The following MEIS2 variants were observed in gnomAD, a reference collection of about 807,000 sequenced individuals.
MEIS2 encodes Meis homeobox 2.
MEIS2 carries 9 observed loss-of-function variants against 58.6 expected under a neutral mutation model. The observed-to-expected ratio is 0.15, with a 90% confidence interval of 0.09 to 0.27. The LOEUF (loss-of-function observed/expected upper bound fraction) is 0.27, where lower values mean the gene tolerates loss of function less well. Ranked by LOEUF, MEIS2 falls within the 10% of genes least tolerant of loss-of-function variation. MEIS2 has a pLI of 1.00. For missense variants in MEIS2, 427 were observed against 635.0 expected, an observed-to-expected ratio of 0.67 and a Z score of 3.52; for synonymous variants, 221 against 228.4, an observed-to-expected ratio of 0.97 and a Z score of 0.29.
At position 36,907,920 on chromosome 15, in the gene MEIS2, G is replaced by A. The variant is rs2056820325; in HGVS notation, c.978-11234C>T. On this transcript the variant is annotated intron_variant, in intron 9 of 11. Coordinates refer to ENST00000561208, the MANE Select transcript of MEIS2 (RefSeq NM_170675.5). ...GTTTATACTGGCATCTAGTAAAGGT[G>A]CCAATGGGGAAAAAAAAATCAAAGA... Among the ~76,000 whole-genome samples the A allele has an allele frequency of 7.0e-5, 3 of 43,014 alleles. No individual in the cohort carries two copies. In the South Asian group the frequency reaches 1.7e-3, roughly 24 times the overall value. 28.2% of individuals were successfully genotyped at this position (43,014 alleles called of 152,430 possible).
chr15:37,062,717 A>G (rs1424952274), intron 7 of MEIS2, among the ~76,000 whole-genome samples: 1 of 152,212 alleles, frequency 6.6e-6, no homozygotes, highest in African/African-American at 2.4e-5. Context: ...TTTACATATA[A>G]GGACCCCTGA....
At chr15:37,017,537 G>C (rs961625635) in intron 8 of MEIS2, among the ~76,000 whole-genome samples, 1 of 152,172 alleles carries the variant, frequency 6.6e-6, no homozygotes, top group Non-Finnish European at 1.5e-5. Flanking sequence ...CTTGAGCCCA[G>C]AAGTGCAGCG....
At chr15:37,058,286 T>C (rs1263078678) in intron 7 of MEIS2, among the ~76,000 whole-genome samples, 3 of 152,168 alleles carry the variant, frequency 2.0e-5, no homozygotes. Flanking sequence ...CAACACACAT[T>C]TATAGGATAA....
At chr15:37,037,706 A>C (rs1452326720) in intron 7 of MEIS2, among the ~76,000 whole-genome samples, 1 of 152,266 alleles carries the variant, frequency 6.6e-6, no homozygotes, top group Non-Finnish European at 1.5e-5. Context: ...AAATGCCTTG[A>C]AAGCCTGCCT....
chr15:36,995,736 G>GAAAA (rs2060461917), intron 8 of MEIS2, among the ~76,000 whole-genome samples: 1 of 30,518 alleles, frequency 3.3e-5, no homozygotes, highest in South Asian at 2.6e-3. Flanking sequence ...AAAAAACAAA[G>GAAAA]AAAAGAAAAG....
chr15:37,001,223 C>T (rs1407221495), intron 8 of MEIS2, among the ~76,000 whole-genome samples: 1 of 152,046 alleles, frequency 6.6e-6, no homozygotes, highest in Non-Finnish European at 1.5e-5. Context: ...TCTTCTTGGG[C>T]CTCTCTAGCT....
At chr15:37,033,708 C>T (rs1162422139) in intron 8 of MEIS2, among the ~76,000 whole-genome samples, 1 of 152,176 alleles carries the variant, frequency 6.6e-6, no homozygotes, top group Non-Finnish European at 1.5e-5. Flanking sequence ...AGTGGGGCAT[C>T]TCTAGTTCCA....
chr15:37,042,651 G>A (rs534887869), intron 7 of MEIS2, among the ~76,000 whole-genome samples: 4 of 152,282 alleles, frequency 2.6e-5, no homozygotes, highest in Non-Finnish European at 5.9e-5. Flanking sequence ...TATAGGAAAA[G>A]GTCTAAGCAC....
chr15:36,927,085 C>A (rs2057778163), intron 9 of MEIS2, among the ~76,000 whole-genome samples: 1 of 152,174 alleles, frequency 6.6e-6, no homozygotes, highest in East Asian at 1.9e-4. Flanking sequence ...ATGTGCTTGG[C>A]ATTCTTTACA....
In MEIS2 at chr15:36,954,416, T is replaced by TA. The variant is rs557844387; in HGVS notation, c.901-4017dup. Among the ~76,000 whole-genome samples, 536 of 148,800 alleles carry TA rather than the reference T, an allele frequency of 3.6e-3. 2 individuals are homozygous for TA. Among genetic ancestry groups the TA allele is most frequent in the African/African-American group, 0.012 (503 of 40,956 alleles). On this transcript the variant is annotated intron_variant, in intron 8 of 11. Coordinates refer to ENST00000561208, the MANE Select transcript of MEIS2 (RefSeq NM_170675.5). ...ATGTGTGTACTGCTTTAAATAATTT[T>TA]AAAAATATAATATCAATTTTAAAAT...
intron 7 of MEIS2, among the ~76,000 whole-genome samples, chr15:37,056,723 C>A (rs765870493): frequency 1.3e-5 from 2 of 152,202 alleles, no homozygotes; most frequent in East Asian, 3.9e-4. Context: ...TCCTTGAAAT[C>A]CACCATTATG....
chr15:37,047,309 C>T (rs2062716648), intron 7 of MEIS2, among the ~76,000 whole-genome samples: 1 of 152,102 alleles, frequency 6.6e-6, no homozygotes, highest in African/African-American at 2.4e-5. Flanking sequence ...TTTTAATGTT[C>T]TGTTCACCTC....
At chr15:36,936,533 T>C (rs2058181671) in intron 9 of MEIS2, among the ~76,000 whole-genome samples, 1 of 152,192 alleles carries the variant, frequency 6.6e-6, no homozygotes, top group African/African-American at 2.4e-5. Flanking sequence ...CACAGGCTTG[T>C]CCAAAAGTGA....
intron 8 of MEIS2, among the ~76,000 whole-genome samples, chr15:36,976,125 C>T (rs1215271226): frequency 6.6e-6 from 1 of 152,036 alleles, no homozygotes; most frequent in Non-Finnish European, 1.5e-5. Context: ...CGCTCTGTCA[C>T]CCAGGCTGGA....
At chr15:36,991,978 G>A (rs1191039889) in intron 8 of MEIS2, among the ~76,000 whole-genome samples, 1 of 149,848 alleles carries the variant, frequency 6.7e-6, no homozygotes, top group Non-Finnish European at 1.5e-5. Flanking sequence ...TAGTAGAGAC[G>A]GGGTTTCACC....
chr15:36,983,784 T>G (rs1335931026), intron 8 of MEIS2, among the ~76,000 whole-genome samples: 1 of 152,168 alleles, frequency 6.6e-6, no homozygotes, highest in East Asian at 1.9e-4. Flanking sequence ...GAACACAGTA[T>G]ATCTTCCCAT....
intron 8 of MEIS2, among the ~76,000 whole-genome samples, chr15:36,960,632 A>G (rs1055318432): frequency 6.6e-6 from 1 of 152,166 alleles, no homozygotes; most frequent in African/African-American, 2.4e-5. Context: ...TTTTTCTAAC[A>G]TACACAGAGA....
chr15:36,917,527 C>T (rs1369991990), intron 9 of MEIS2, among the ~76,000 whole-genome samples: 3 of 151,386 alleles, frequency 2.0e-5, no homozygotes, highest in African/African-American at 7.3e-5. Flanking sequence ...ATGAATAGTG[C>T]TTTTGAAATT....
At chr15:36,995,069 C>T (rs1303507112) in intron 8 of MEIS2, among the ~76,000 whole-genome samples, 3 of 152,178 alleles carry the variant, frequency 2.0e-5, no homozygotes, top group Non-Finnish European at 2.9e-5. Context: ...TATATTTTGT[C>T]TGCATGAAGC....
Sources: allele counts gnomAD v4.1 joint callset (sites outside exome capture counted in the v4.1 genomes callset), GRCh38; gene constraint gnomAD v4.1.1; transcripts MANE v1.5; gene names NCBI Gene and HGNC (gene_info 2026-07-23, HGNC 2026-07-21).